DSC1: variants seen among roughly 807,000 people sequenced by gnomAD.
The protein encoded by DSC1 is desmocollin-1.
A neutral mutation model predicts 98.8 loss-of-function variants in DSC1; 79 were observed. The observed-to-expected ratio is 0.80, with a 90% CI of 0.67 to 0.96. The LOEUF (loss-of-function observed/expected upper bound fraction) is 0.96, where lower values mean the gene tolerates loss of function less well. DSC1 is among the 50% of genes least tolerant of loss of function. DSC1 has a pLI of 0.00. For synonymous variants in DSC1, 405 were observed against 372.1 expected, an observed-to-expected ratio of 1.09 and a Z score of -1.02; for missense variants, 1,115 against 1,075.9, an observed-to-expected ratio of 1.04 and a Z score of -0.51.
chr18:31,139,606 G>T (rs1470265540), intron 11 of DSC1, 142 bp downstream of exon 11: 7 of 852,054 alleles, frequency 8.2e-6, no homozygotes, highest in Non-Finnish European at 1.2e-5. Flanking sequence ...AGCCTAAACT[G>T]GGTGATATCC....
intron 7 of DSC1, 68 bp from the exon 8 acceptor site, chr18:31,143,859 A>T: frequency 1.6e-6 from 2 of 1,237,402 alleles, no homozygotes; most frequent in Non-Finnish European, 2.2e-6. Flanking sequence ...TCTCACAACC[A>T]CTTGTTTAGG....
chr18:31,136,121 G>A (rs1567996953), intron 11 of DSC1, among the ~76,000 whole-genome samples: 2 of 151,876 alleles, frequency 1.3e-5, no homozygotes, highest in Non-Finnish European at 2.9e-5. Flanking sequence ...AAATAAAAGA[G>A]AGATATAGCT....
At position 31,154,982 on chromosome 18, in the gene DSC1, C is replaced by A. The variant is rs563091175; in HGVS notation, c.472-53G>T. 7.5e-6 allele frequency: 12 copies of A among 1,589,440 alleles called. No individual in the cohort carries two copies. The South Asian group carries it at 1.4e-4, about 18-fold the overall frequency. On this transcript the variant is annotated intron_variant, in intron 4 of 15. Transcript: ENST00000257198. ...AATACGTCATGATGAATATTTTCAA[C>A]CTAACCTCTTGTGATGGTTTATTTT...
chr18:31,130,554 G>C lies in DSC1; in HGVS notation c.2645C>G (p.Pro882Arg). The change falls in exon 16 of 16, where the codon CCC (proline) becomes CGC (arginine). Residue 882 changes from proline to arginine, a missense_variant. Transcript: ENST00000257198. ...TGTCTTTGCTAATGTCCTAAATTTG[G>C]GTTCCAGGTGATCTAGAAACTCCAG... ...EGLEFLDHLE[P>R]KFRTLAKTCI... The C allele has an allele frequency of 3.1e-6, 5 of 1,614,014 alleles. No homozygotes were observed. The highest frequency in any genetic ancestry group is 4.2e-6 in the Non-Finnish European group (5 of 1,180,002).
chr18:31,160,349 A>C (rs1321681383), intron 1 of DSC1, among the ~76,000 whole-genome samples: 2 of 152,156 alleles, frequency 1.3e-5, no homozygotes, highest in Non-Finnish European at 2.9e-5. Context: ...ATTTAAATAT[A>C]AGATAGAGTA....
In DSC1 at chr18:31,156,044, T is replaced by C. The variant is rs142217046; in HGVS notation, c.470A>G (p.Gln157Arg). The C allele has an allele frequency of 5.0e-6, 8 of 1,610,848 alleles. No individual in the cohort carries two copies. Among genetic ancestry groups the C allele is most frequent in the Non-Finnish European group, 5.9e-6 (7 of 1,179,262 alleles). ...TAAAATCAAATAAGTGAAATGCACC[T>C]GCTGAACGTGTTGTGGAAATGGACC... The part of the protein sequence containing the change: ...SLGPFPQHVQ[Q>R]IQSDAAQNYT... Residue 157 changes from glutamine to arginine, a missense_variant and splice_region_variant, in exon 4 of 16, where the codon CAG becomes CGG. By Grantham distance (43) the Gln-to-Arg change is conservative. Transcript: ENST00000257198.
Position 31,134,069 on chromosome 18 carries a change from A to T in DSC1, c.1938T>A (p.Ile646=). The T allele has an allele frequency of 6.2e-7, 1 of 1,611,308 alleles. No homozygotes were observed. The highest frequency in any genetic ancestry group is 8.5e-7 in the Non-Finnish European group (1 of 1,179,514). The stretch of plus-strand genomic sequence containing the variant: ...CTAAACCATGCCTGTCTTTTATTTG[A>T]ATAGGCACAGAATAATAGTTATAAT... ...NLDYNYYSVP[I]QIKDRHGLVA... The change falls in exon 13 of 16, where the codon ATT becomes ATA. Residue 646 remains isoleucine (I), a synonymous_variant. Coordinates refer to ENST00000257198, the MANE Select transcript of DSC1 (RefSeq NM_024421.2).
At chr18:31,157,656 T>C in intron 2 of DSC1, 83 bp from the exon 3 acceptor site, 2 of 1,468,996 alleles carry the variant, frequency 1.4e-6, no homozygotes, top group African/African-American at 2.8e-5. Flanking sequence ...CGTGAGTTAA[T>C]GCATGAGAAG....
Position 31,145,716 on chromosome 18 carries a change from A to G in DSC1, c.834T>C (p.Arg278=), listed in dbSNP as rs761993822. The G allele has an allele frequency of 1.5e-5, 25 of 1,614,076 alleles. No individual in the cohort carries two copies. The East Asian group carries it at 1.8e-4, about 12-fold the overall frequency. ...DLDEPDTLHT[R]LKYKILQQIP... ...TTTGTTGTAAGATTTTATATTTCAG[A>G]CGAGTATGGAGAGTGTCAGGTTCGT... The change falls in exon 7 of 16, where the codon CGT becomes CGC. Residue 278 remains arginine (R), a synonymous_variant. Transcript: ENST00000257198.
At position 31,130,699 on chromosome 18, in the gene DSC1, A is replaced by G. The variant is rs1988468621; in HGVS notation, c.2500T>C (p.Cys834Arg). 6.2e-7 allele frequency: 1 copy of G among 1,613,992 alleles called. No homozygotes were observed. Among genetic ancestry groups the G allele is most frequent in the Non-Finnish European group, 8.5e-7 (1 of 1,180,000 alleles). ...TGTTTATGCTCCTCATCTTGTCCAC[A>G]CAAATACACCTTCTGTATCAAAAAA... ...QPRLGEKVYLCGQDEEHKHCE... is the reference protein window; with the variant it reads ...QPRLGEKVYLRGQDEEHKHCE... The change falls in exon 16 of 16, where the codon TGT (cysteine) becomes CGT (arginine). Residue 834 changes from cysteine (C) to arginine (R), a missense_variant. Coordinates refer to ENST00000257198, the MANE Select transcript of DSC1 (RefSeq NM_024421.2).
At position 31,142,099 on chromosome 18, in the gene DSC1, T is replaced by TGAG. The variant is rs764863026; in HGVS notation, c.1157_1159dup (p.Pro386dup). 1 of 1,613,310 alleles carries TGAG rather than the reference T, an allele frequency of 6.2e-7. No individual in the cohort carries two copies. The highest frequency in any genetic ancestry group is 1.3e-5 in the African/African-American group (1 of 74,950). On this transcript the variant is annotated inframe_insertion, in exon 9 of 16. Transcript: ENST00000257198. ...TAGGATTTTGTATACAGCCTTTGAG[T>TGAG]GAGGAGTGTTTGGCAAATCCTGATC... is the stretch of plus-strand genomic sequence containing the variant.
Position 31,129,559 on chromosome 18 carries a change from T to C in DSC1, c.*955A>G, listed in dbSNP as rs997198174. On this transcript the variant is annotated 3_prime_UTR_variant, in exon 16 of 16. Coordinates refer to ENST00000257198, the MANE Select transcript of DSC1 (RefSeq NM_024421.2). ...GGCATATTCAAGGTGCTAGTCTCTG[T>C]ATATCAGAGTTGCAGCCTAATGCAT... The C allele has an allele frequency of 6.6e-6, 1 of 152,156 alleles. No individual in the cohort carries two copies. The highest frequency in any genetic ancestry group is 1.5e-5 in the Non-Finnish European group (1 of 68,034). The allele number at this position is 152,156 out of a possible 1,614,324, so 9.4% of individuals were successfully genotyped here. A position where few individuals can be genotyped will look rare whatever the true frequency, so the allele number is the denominator to read the frequency against.
At chr18:31,152,474 A>C (rs992394888) in intron 5 of DSC1, among the ~76,000 whole-genome samples, 10 of 152,254 alleles carry the variant, frequency 6.6e-5, no homozygotes, top group Non-Finnish European at 1.2e-4. Flanking sequence ...TATGGCTTAT[A>C]TAAAATCAAA....
chr18:31,134,669 C>T lies in DSC1; in HGVS notation c.1779G>A (p.Leu593=). ...CAGGTCCATCTGGATCTACAGGTTTCAGAACAGCAAAATCCTCATTATTCT... is the reference window on the plus strand; with the variant it reads ...CAGGTCCATCTGGATCTACAGGTTTTAGAACAGCAAAATCCTCATTATTCT... ...ICQNNEDFAV[L]KPVDPDGPEN... Residue 593 remains leucine (L), a synonymous_variant, in exon 12 of 16, where the codon CTG becomes CTA. Coordinates refer to ENST00000257198, the MANE Select transcript of DSC1 (RefSeq NM_024421.2). The T allele has an allele frequency of 6.2e-7, 1 of 1,613,078 alleles. No homozygotes were observed. The highest frequency in any genetic ancestry group is 8.5e-7 in the Non-Finnish European group (1 of 1,179,492).
At chr18:31,143,610 TGAAAAAGTAG>T in intron 8 of DSC1, 37 bp downstream of exon 8, 1 of 1,412,320 alleles carries the variant, frequency 7.1e-7, no homozygotes. Context: ...ACATGTTTTT[TGAAAAAGTAG>T]ATAAATCTAG....
intron 4 of DSC1, among the ~76,000 whole-genome samples, 155 bp from the exon 5 acceptor site, chr18:31,155,084 C>T (rs560693276): frequency 3.6e-4 from 55 of 152,106 alleles, no homozygotes; most frequent in African/African-American, 1.3e-3. Context: ...CCATGTTTTC[C>T]GAATTTTTAT....
At chr18:31,146,702 C>A (rs1829330997) in intron 6 of DSC1, among the ~76,000 whole-genome samples, 1 of 152,172 alleles carries the variant, frequency 6.6e-6, no homozygotes, top group Admixed American at 6.5e-5. Context: ...ACATTCTCAC[C>A]AATGGCATAT....
intron 3 of DSC1, 142 bp downstream of exon 3, chr18:31,157,229 T>A: frequency 1.1e-6 from 1 of 871,978 alleles, no homozygotes; most frequent in Non-Finnish European, 1.8e-6. Flanking sequence ...CTAGTCTTTA[T>A]TTACACTAAT....
intron 11 of DSC1, among the ~76,000 whole-genome samples, chr18:31,135,485 C>T (rs1988591573): frequency 6.6e-6 from 1 of 152,124 alleles, no homozygotes; most frequent in Non-Finnish European, 1.5e-5. Flanking sequence ...CAGTATTTCC[C>T]AGCTAACTAT....
Sources: gnomAD v4.1 joint callset for allele counts (sites outside exome capture counted in the v4.1 genomes callset) on GRCh38, gnomAD v4.1.1 for gene constraint, MANE v1.5 for transcripts, NCBI Gene and HGNC (gene_info 2026-07-23, HGNC 2026-07-21) for gene names.